The following RAB38 variants were observed in gnomAD, a reference collection of about 807,000 sequenced individuals.
RAB38 encodes the protein RAB38, member RAS oncogene family, also known as ras-related protein Rab-38.
In RAB38, 15 loss-of-function variants were observed where a neutral mutation model predicts 18.4. The ratio of observed to expected loss-of-function variants is 0.82; its 90% CI spans 0.55 to 1.26. The LOEUF is 1.26. Among genes scored for constraint, RAB38 ranks in the 50% most tolerant of loss-of-function variants. RAB38 has a pLI of 0.00. For missense variants in RAB38, 294 were observed against 267.4 expected, an observed-to-expected ratio of 1.10 and a Z score of -0.69; for synonymous variants, 101 against 104.4, an observed-to-expected ratio of 0.97 and a Z score of 0.20.
Position 88,113,866 on chromosome 11 carries a change from A to G in RAB38, c.*122T>C, listed in dbSNP as rs543915837. ...TCTCTCTCACTGAAAAAACAGAGGC[A>G]TAGATCTTTGGCTTGCCACATGTGG... On this transcript the variant is annotated 3_prime_UTR_variant, in exon 3 of 3. Transcript: ENST00000243662. 13 of 1,156,928 alleles carry G rather than the reference A, an allele frequency of 1.1e-5. No individual in the cohort carries two copies. The Admixed American group carries it at 1.9e-4, about 17-fold the overall frequency. The allele number at this position is 1,156,928 out of a possible 1,614,324, so 71.7% of individuals were successfully genotyped here.
At chr11:87,877,624 G>A in the RAB38 span, among the ~76,000 whole-genome samples, 4 of 151,418 alleles carry the variant, frequency 2.6e-5, no homozygotes, top group Non-Finnish European at 4.4e-5. Flanking sequence ...TGTTGACTGT[G>A]TCTACCTTCC....
chr11:87,891,352 GTTTTGT>G, the RAB38 span, among the ~76,000 whole-genome samples: 5 of 151,828 alleles, frequency 3.3e-5, no homozygotes, highest in African/African-American at 1.2e-4. Flanking sequence ...TGAATCTAAT[GTTTTGT>G]GTATGTCATA....
chr11:88,101,865 A>T, the RAB38 span, among the ~76,000 whole-genome samples: 1 of 151,754 alleles, frequency 6.6e-6, no homozygotes, highest in Non-Finnish European at 1.5e-5. Flanking sequence ...TATACTATTA[A>T]CATATTTATA....
the RAB38 span, among the ~76,000 whole-genome samples, chr11:88,081,187 T>G: frequency 6.6e-6 from 1 of 151,932 alleles, no homozygotes; most frequent in East Asian, 1.9e-4. Flanking sequence ...CATATATTGT[T>G]GGTTGAAATG....
At position 88,152,222 on chromosome 11, in the gene RAB38, T is replaced by C. The variant is rs1106942; in HGVS notation, c.203-2267A>G. Among the ~76,000 whole-genome samples, 878 of 152,284 alleles carry C rather than the reference T, an allele frequency of 5.8e-3. 13 individuals are homozygous for C. Among genetic ancestry groups the C allele is most frequent in the African/African-American group, 0.018 (758 of 41,558 alleles). On this transcript the variant is annotated intron_variant, in intron 1 of 2. Transcript: ENST00000243662. ...TTTAAAGGATGTCTTATGATCTCTT[T>C]CAAGGATCTAATCAGATGAAGAGCA...
At chr11:88,146,956 T>G (rs1308335339) in intron 2 of RAB38, among the ~76,000 whole-genome samples, 1 of 152,098 alleles carries the variant, frequency 6.6e-6, no homozygotes, top group Non-Finnish European at 1.5e-5. Context: ...CTAAGTAAGG[T>G]GGGTCAGCCA....
chr11:88,150,789 A>T (rs1414068749), intron 1 of RAB38, among the ~76,000 whole-genome samples: 1 of 152,170 alleles, frequency 6.6e-6, no homozygotes, highest in Non-Finnish European at 1.5e-5. Context: ...CCAACATTAA[A>T]TACTCTCAAC....
the RAB38 span, among the ~76,000 whole-genome samples, chr11:87,976,201 C>G: frequency 6.9e-6 from 1 of 144,678 alleles, no homozygotes; most frequent in Non-Finnish European, 1.5e-5. Context: ...TATATATACT[C>G]TATGTATATT....
At chr11:88,014,644 T>C in the RAB38 span, among the ~76,000 whole-genome samples, 1 of 152,146 alleles carries the variant, frequency 6.6e-6, no homozygotes, top group African/African-American at 2.4e-5. Context: ...CCTACCCTGC[T>C]GGCAAGGCCT....
At chr11:87,857,347 A>G in the RAB38 span, among the ~76,000 whole-genome samples, 1 of 152,176 alleles carries the variant, frequency 6.6e-6, no homozygotes, top group Non-Finnish European at 1.5e-5. Flanking sequence ...TCTTTATAGC[A>G]GCATGATTTA....
chr11:87,867,189 G>A, the RAB38 span, among the ~76,000 whole-genome samples: 1 of 151,712 alleles, frequency 6.6e-6, no homozygotes, highest in African/African-American at 2.4e-5. Flanking sequence ...AGATATTTTA[G>A]CTCTGTAGCT....
chr11:87,907,829 T>C, the RAB38 span, among the ~76,000 whole-genome samples: 1 of 151,834 alleles, frequency 6.6e-6, no homozygotes, highest in Non-Finnish European at 1.5e-5. Context: ...TATTTCTCTT[T>C]TGCTATAATC....
the RAB38 span, among the ~76,000 whole-genome samples, chr11:87,856,717 C>T: frequency 6.6e-6 from 1 of 152,024 alleles, no homozygotes; most frequent in African/African-American, 2.4e-5. Flanking sequence ...CCTTCTTCTT[C>T]TTTTTAATTT....
chr11:87,944,249 T>G, the RAB38 span, among the ~76,000 whole-genome samples: 9 of 152,128 alleles, frequency 5.9e-5, no homozygotes, highest in African/African-American at 2.2e-4. Context: ...TGATGCAGGG[T>G]TGCTACAAAC....
chr11:88,066,385 C>G, the RAB38 span, among the ~76,000 whole-genome samples: 2 of 152,084 alleles, frequency 1.3e-5, no homozygotes, highest in Admixed American at 1.3e-4. Context: ...GGGATAGATA[C>G]GTTTTCTGCG....
At chr11:87,910,765 C>T in the RAB38 span, among the ~76,000 whole-genome samples, 3 of 151,304 alleles carry the variant, frequency 2.0e-5, no homozygotes, top group Non-Finnish European at 4.4e-5. Flanking sequence ...CTCAGTCTCC[C>T]GAGTAGCTGG....
At chr11:88,165,149 A>G (rs754912827) in intron 1 of RAB38, among the ~76,000 whole-genome samples, 13 of 152,156 alleles carry the variant, frequency 8.5e-5, no homozygotes, top group Non-Finnish European at 1.8e-4. Flanking sequence ...CACCTTCTAA[A>G]AGCAATGTAT....
At chr11:88,028,741 A>T in the RAB38 span, among the ~76,000 whole-genome samples, 1 of 152,212 alleles carries the variant, frequency 6.6e-6, no homozygotes, top group Admixed American at 6.5e-5. Flanking sequence ...AAAAGACCAA[A>T]TCTACGTCTG....
At chr11:87,918,974 C>A in the RAB38 span, among the ~76,000 whole-genome samples, 1 of 151,038 alleles carries the variant, frequency 6.6e-6, no homozygotes, top group African/African-American at 2.4e-5. Flanking sequence ...ATGAAGCTTT[C>A]CCCATATGTT....
Sources: allele counts gnomAD v4.1 joint callset (sites outside exome capture counted in the v4.1 genomes callset), GRCh38; gene constraint gnomAD v4.1.1; transcripts MANE v1.5; gene names NCBI Gene and HGNC (gene_info 2026-07-23, HGNC 2026-07-21).